Variants in WWOX observed in about 807,000 individuals in gnomAD.
The protein encoded by WWOX is WW domain containing oxidoreductase.
A neutral mutation model predicts 46.2 loss-of-function variants in WWOX; 69 were observed. That is an observed-to-expected ratio of 1.49 (90% CI 1.23 to 1.82). WWOX has a LOEUF of 1.82. Ranked by LOEUF, WWOX falls within the 40% of genes most tolerant of loss-of-function variation. The pLI is 0.00. For synonymous variants in WWOX, 359 were observed against 202.6 expected (o/e 1.77, Z -6.56); for missense variants, 919 against 542.6 (o/e 1.69, Z -6.89).
chr16:78,978,944 G>A (rs2046626038), intron 8 of WWOX, among the ~76,000 whole-genome samples: 1 of 151,990 alleles, frequency 6.6e-6, no homozygotes, highest in Admixed American at 6.6e-5. Context: ...ACATTTTGAT[G>A]TCCCTCCCCA....
intron 5 of WWOX, among the ~76,000 whole-genome samples, chr16:78,339,579 C>T (rs72794005): frequency 0.11 from 13,645 of 118,730 alleles, 4,121 homozygotes; most frequent in East Asian, 0.21. Context: ...TTTGTGGGAG[C>T]ATGTCTTGTA....
At chr16:78,849,656 A>G (rs2151178929) in intron 8 of WWOX, among the ~76,000 whole-genome samples, 1 of 151,372 alleles carries the variant, frequency 6.6e-6, no homozygotes, top group African/African-American at 2.4e-5. Flanking sequence ...TCGTTTCTGT[A>G]TTTGAGGACA....
chr16:78,314,446 C>G (rs1325257703), intron 5 of WWOX, among the ~76,000 whole-genome samples: 1 of 149,488 alleles, frequency 6.7e-6, no homozygotes, highest in Non-Finnish European at 1.5e-5. Context: ...CGTAGGACCC[C>G]TGAACATTTA....
chr16:79,176,949 T>A (rs1281602440), intron 8 of WWOX, among the ~76,000 whole-genome samples: 1 of 152,176 alleles, frequency 6.6e-6, no homozygotes, highest in Non-Finnish European at 1.5e-5. Context: ...CTCATCAGTT[T>A]CCACCCCTCC....
intron 8 of WWOX, among the ~76,000 whole-genome samples, chr16:78,533,000 C>T (rs1030281965): frequency 2.6e-5 from 4 of 152,182 alleles, no homozygotes; most frequent in Admixed American, 2.0e-4. Context: ...GCAGGTGAGT[C>T]ACAGGCTGAT....
rs759712000 is a variant in WWOX at position 78,109,741 on chromosome 16, C to G, written c.173-37C>G. ...TGACCCAGGGATGGTCTTTACTTCT[C>G]CCTGGCACCTGTAGACCTGTCTTTC... On this transcript the variant is annotated intron_variant, in intron 2 of 8. Coordinates refer to ENST00000566780, the MANE Select transcript of WWOX (RefSeq NM_016373.4). The G allele has an allele frequency of 5.6e-6, 9 of 1,612,816 alleles. No homozygotes were observed. The African/African-American group carries it at 6.7e-5, about 12-fold the overall frequency.
chr16:79,190,675 G>A (rs2051117491), intron 8 of WWOX, among the ~76,000 whole-genome samples: 1 of 152,232 alleles, frequency 6.6e-6, no homozygotes, highest in African/African-American at 2.4e-5. Flanking sequence ...TTAGGTAGAA[G>A]AGGGCTCTGC....
intron 8 of WWOX, among the ~76,000 whole-genome samples, chr16:78,488,659 C>T (rs958152554): frequency 5.9e-5 from 9 of 152,132 alleles, no homozygotes; most frequent in Non-Finnish European, 1.5e-5. Context: ...TCATCTGAGA[C>T]AGTGGCTGTA....
intron 6 of WWOX, among the ~76,000 whole-genome samples, chr16:78,419,438 T>C (rs1030173645): frequency 1.3e-5 from 2 of 151,834 alleles, no homozygotes; most frequent in Non-Finnish European, 2.9e-5. Context: ...TAAGAATAGA[T>C]CTATAGATAA....
At chr16:78,945,512 C>T (rs2045931554) in intron 8 of WWOX, among the ~76,000 whole-genome samples, 1 of 152,144 alleles carries the variant, frequency 6.6e-6, no homozygotes, top group South Asian at 2.1e-4. Context: ...TTGTAAATCT[C>T]TTCTGTTACT....
chr16:78,793,297 G>A (rs941104566), intron 8 of WWOX, among the ~76,000 whole-genome samples: 3 of 152,174 alleles, frequency 2.0e-5, no homozygotes, highest in African/African-American at 7.2e-5. Flanking sequence ...CTGGGCTCAG[G>A]AGATCTGCCT....
At chr16:78,412,389 A>T (rs1046739615) in intron 6 of WWOX, among the ~76,000 whole-genome samples, 1 of 152,154 alleles carries the variant, frequency 6.6e-6, no homozygotes, top group Admixed American at 6.6e-5. Context: ...TGGGAATGAG[A>T]TTCTGGAACT....
intron 8 of WWOX, among the ~76,000 whole-genome samples, chr16:78,752,260 A>T (rs947974863): frequency 1.1e-4 from 17 of 152,116 alleles, no homozygotes; most frequent in African/African-American, 3.6e-4. Context: ...AGTGTTAGAG[A>T]CTATCAGGTT....
intron 6 of WWOX, among the ~76,000 whole-genome samples, chr16:78,420,852 A>G (rs557477594): frequency 6.6e-5 from 10 of 152,266 alleles, no homozygotes; most frequent in Admixed American, 5.9e-4. Flanking sequence ...AAAACCATAA[A>G]CAGGAAATAG....
chr16:78,672,988 C>T (rs1264415750), intron 8 of WWOX, among the ~76,000 whole-genome samples: 3 of 152,218 alleles, frequency 2.0e-5, no homozygotes, highest in African/African-American at 7.2e-5. Context: ...GCCACCGCCG[C>T]CGTGTGTCAG....
At chr16:78,467,735 A>G (rs958123284) in intron 8 of WWOX, among the ~76,000 whole-genome samples, 3 of 152,210 alleles carry the variant, frequency 2.0e-5, no homozygotes, top group Non-Finnish European at 4.4e-5. Flanking sequence ...GGGGACTGAA[A>G]TTAGTGCTGA....
At chr16:78,489,023 C>A (rs2084712234) in intron 8 of WWOX, among the ~76,000 whole-genome samples, 2 of 152,162 alleles carry the variant, frequency 1.3e-5, no homozygotes, top group African/African-American at 2.4e-5. Context: ...AAATCCTGCT[C>A]TGGGCCAGCC....
At chr16:79,187,813 A>G (rs1313210385) in intron 8 of WWOX, among the ~76,000 whole-genome samples, 1 of 152,238 alleles carries the variant, frequency 6.6e-6, no homozygotes, top group East Asian at 1.9e-4. Flanking sequence ...CATTGCTGGG[A>G]TTACAGGCGT....
chr16:78,102,736 C>A (rs1212663466), intron 1 of WWOX, among the ~76,000 whole-genome samples: 2 of 152,180 alleles, frequency 1.3e-5, no homozygotes, highest in African/African-American at 4.8e-5. Flanking sequence ...CCTTGTTGGC[C>A]CTGTCTCCCT....
Sources: gnomAD v4.1 joint callset for allele counts (sites outside exome capture counted in the v4.1 genomes callset) on GRCh38, gnomAD v4.1.1 for gene constraint, MANE v1.5 for transcripts, NCBI Gene and HGNC (gene_info 2026-07-23, HGNC 2026-07-21) for gene names.